DEPTOR: variants seen among roughly 807,000 people sequenced by gnomAD.
DEPTOR encodes DEP domain containing MTOR interacting protein, also known as DEP domain-containing mTOR-interacting protein.
A neutral mutation model predicts 41.6 loss-of-function variants in DEPTOR; 41 were observed. The ratio of observed to expected loss-of-function variants is 0.98; its 90% CI spans 0.77 to 1.28. DEPTOR has a LOEUF of 1.28. DEPTOR is among the 50% of genes most tolerant of loss of function. The pLI, the probability that DEPTOR is intolerant of heterozygous loss-of-function variation, is 0.00. For synonymous variants in DEPTOR, 195 were observed against 192.3 expected (o/e 1.01, Z -0.12); for missense variants, 514 against 527.9 (o/e 0.97, Z 0.26).
intron 8 of DEPTOR, among the ~76,000 whole-genome samples, chr8:120,026,309 G>T (rs138327757): frequency 0.01 from 1,580 of 151,808 alleles, 13 homozygotes; most frequent in South Asian, 0.022. Flanking sequence ...ATTGTGTTGC[G>T]TGGTCACTTT....
rs904906647 is a variant in DEPTOR, at chr8:119,931,001, C to T, written c.425+1063C>T. On this transcript the variant is annotated intron_variant, in intron 3 of 8. Coordinates refer to ENST00000286234, the MANE Select transcript of DEPTOR (RefSeq NM_022783.4). The stretch of plus-strand genomic sequence containing the variant: ...CCGAGGTGGGTGGATCACTTGAGGT[C>T]AGGGGTTGGAAACCAGCCTGGCCAA... Among the ~76,000 whole-genome samples, 21 of 152,052 alleles carry T rather than the reference C, an allele frequency of 1.4e-4. 1 individual carries two copies. The highest frequency in any genetic ancestry group is 4.8e-4 in the African/African-American group (20 of 41,400).
intron 1 of DEPTOR, among the ~76,000 whole-genome samples, chr8:119,887,410 TCCCCTCCCCCCCTCCCCCCTCCCCCTCC>T (rs1827383627): frequency 6.3e-3 from 1 of 160 alleles, no homozygotes; most frequent in African/African-American, 0.024. Context: ...CCTATCCCCA[TCCCCTCCCCCCCTCCCCCCTCCCCCTCC>T]CCCCTCCCCT....
intron 4 of DEPTOR, among the ~76,000 whole-genome samples, chr8:119,970,643 G>A (rs1828619712): frequency 6.6e-6 from 1 of 152,300 alleles, no homozygotes; most frequent in South Asian, 2.1e-4. Flanking sequence ...TTGAGAGTTT[G>A]TTTTTTCAGA....
chr8:119,880,364 T>C (rs972048693), intron 1 of DEPTOR, among the ~76,000 whole-genome samples: 1 of 152,098 alleles, frequency 6.6e-6, no homozygotes, highest in Admixed American at 6.6e-5. Flanking sequence ...TACTTTTATT[T>C]TGTAGATTAA....
At chr8:119,970,491 A>G (rs1396036095) in intron 4 of DEPTOR, among the ~76,000 whole-genome samples, 3 of 152,216 alleles carry the variant, frequency 2.0e-5, no homozygotes, top group Admixed American at 6.5e-5. Flanking sequence ...GCCTGGCATG[A>G]TGGAATGAGC....
At chr8:120,020,650 G>A (rs557442895) in intron 8 of DEPTOR, among the ~76,000 whole-genome samples, 42 of 152,326 alleles carry the variant, frequency 2.8e-4, no homozygotes, top group African/African-American at 8.9e-4. Flanking sequence ...GAGGGCTGCT[G>A]TCGAAGAGGC....
chr8:119,934,916 T>G (rs1345172449), intron 3 of DEPTOR, among the ~76,000 whole-genome samples: 1 of 152,148 alleles, frequency 6.6e-6, no homozygotes, highest in Non-Finnish European at 1.5e-5. Context: ...AATGGACTAA[T>G]GAGTATGCAC....
At chr8:119,970,532 A>G (rs1828618389) in intron 4 of DEPTOR, among the ~76,000 whole-genome samples, 1 of 152,196 alleles carries the variant, frequency 6.6e-6, no homozygotes, top group South Asian at 2.1e-4. Context: ...GACTGGATTT[A>G]GATGCGGCTT....
intron 8 of DEPTOR, among the ~76,000 whole-genome samples, chr8:120,013,840 CT>C (rs35599330): frequency 0.64 from 82,553 of 129,686 alleles, 25,846 homozygotes; most frequent in Middle Eastern, 0.72. Context: ...GCTATGACTA[CT>C]TTTTTTTTTT....
intron 1 of DEPTOR, among the ~76,000 whole-genome samples, chr8:119,916,108 G>C (rs556614946): frequency 1.3e-5 from 2 of 152,132 alleles, no homozygotes; most frequent in Admixed American, 6.5e-5. Context: ...GAAGTTGAAT[G>C]CTTTGTCCAA....
intron 1 of DEPTOR, among the ~76,000 whole-genome samples, chr8:119,897,547 A>G (rs1827536760): frequency 6.6e-6 from 1 of 152,162 alleles, no homozygotes; most frequent in Admixed American, 6.5e-5. Flanking sequence ...AAATAATTCA[A>G]AAAATTATTT....
At position 119,965,428 on chromosome 8, in the gene DEPTOR, C is replaced by A. The variant is rs777375539; in HGVS notation, c.604+18C>A. The A allele has an allele frequency of 1.2e-6, 2 of 1,604,180 alleles. No individual in the cohort carries two copies. The highest frequency in any genetic ancestry group is 2.2e-5 in the South Asian group (2 of 89,680). ...CCAGCATGGTGAGCGTATTGGGCAG[C>A]TTTTGCTGCAGGAACAAACAGCCAG... On this transcript the variant is annotated intron_variant, in intron 4 of 8. Coordinates refer to ENST00000286234, the MANE Select transcript of DEPTOR (RefSeq NM_022783.4).
At chr8:119,953,868 G>A (rs377145570) in intron 3 of DEPTOR, among the ~76,000 whole-genome samples, 1 of 142,636 alleles carries the variant, frequency 7.0e-6, no homozygotes, top group African/African-American at 2.6e-5. Context: ...TCAGTGGCAC[G>A]ATCTTGGCTC....
At chr8:119,874,069 C>A in intron 1 of DEPTOR, 101 bp downstream of exon 1, 1 of 1,559,206 alleles carries the variant, frequency 6.4e-7, no homozygotes, top group South Asian at 1.2e-5. Context: ...GCTTGCGACT[C>A]GCGTGGGGCG....
At chr8:119,877,133 T>C (rs1398752868) in intron 1 of DEPTOR, among the ~76,000 whole-genome samples, 1 of 152,218 alleles carries the variant, frequency 6.6e-6, no homozygotes, top group African/African-American at 2.4e-5. Context: ...TACGAAATGT[T>C]ATTCTGATGA....
chr8:120,047,149 G>A (rs1157335682), intron 8 of DEPTOR, among the ~76,000 whole-genome samples: 1 of 151,924 alleles, frequency 6.6e-6, no homozygotes, highest in Non-Finnish European at 1.5e-5. Context: ...CCAGGCTCCT[G>A]AGTAGCTGGG....
intron 1 of DEPTOR, among the ~76,000 whole-genome samples, chr8:119,901,266 A>G (rs750051138): frequency 2.6e-4 from 40 of 152,184 alleles, no homozygotes; most frequent in Non-Finnish European, 3.2e-4. Context: ...TGAAACTGCT[A>G]AATATTTAGG....
intron 3 of DEPTOR, among the ~76,000 whole-genome samples, chr8:119,934,492 C>T (rs1315142169): frequency 3.3e-5 from 5 of 152,174 alleles, no homozygotes; most frequent in Admixed American, 2.6e-4. Context: ...AGCTTCACAA[C>T]TTGCTTGCTT....
chr8:120,049,434 T>C, intron 8 of DEPTOR, 142 bp from the exon 9 acceptor site: 8 of 969,960 alleles, frequency 8.2e-6, no homozygotes, highest in Non-Finnish European at 1.1e-5. Context: ...CCTTGGAAAT[T>C]ATTGAATTGG....
Sources: gnomAD v4.1 joint callset for allele counts (sites outside exome capture counted in the v4.1 genomes callset) on GRCh38, gnomAD v4.1.1 for gene constraint, MANE v1.5 for transcripts, NCBI Gene and HGNC (gene_info 2026-07-23, HGNC 2026-07-21) for gene names.